The following SEMA3A variants were observed in gnomAD, a reference collection of about 807,000 sequenced individuals.
SEMA3A encodes semaphorin-3A.
In SEMA3A, 29 loss-of-function variants were observed where a neutral mutation model predicts 97.9. The observed-to-expected ratio is 0.30, with a 90% CI of 0.22 to 0.40. SEMA3A has a LOEUF of 0.40. Among genes scored for constraint, SEMA3A ranks in the 10% least tolerant of loss-of-function variants. The pLI is 1.00. For synonymous variants in SEMA3A, 321 were observed against 323.7 expected, an observed-to-expected ratio of 0.99 and a Z score of 0.09; for missense variants, 763 against 951.3, an observed-to-expected ratio of 0.80 and a Z score of 2.60.
intron 1 of SEMA3A, among the ~76,000 whole-genome samples, chr7:84,469,263 A>C (rs1337514734): frequency 6.6e-6 from 1 of 152,190 alleles, no homozygotes; most frequent in Non-Finnish European, 1.5e-5. Flanking sequence ...TATCCCATTC[A>C]ACTGTAACCC....
chr7:84,425,731 GGGAGTC>G (rs1804803700), intron 1 of SEMA3A, among the ~76,000 whole-genome samples: 1 of 149,000 alleles, frequency 6.7e-6, no homozygotes, highest in Non-Finnish European at 1.5e-5. Flanking sequence ...CCAGCACTTT[GGGAGTC>G]TGAGGTTCGC....
intron 12 of SEMA3A, among the ~76,000 whole-genome samples, chr7:83,987,778 T>C (rs984053229): frequency 1.3e-5 from 2 of 149,184 alleles, no homozygotes; most frequent in African/African-American, 4.8e-5. Context: ...GATAGCCCTC[T>C]TATTAAGTCT....
intron 4 of SEMA3A, among the ~76,000 whole-genome samples, chr7:84,106,009 A>G (rs770273115): frequency 6.6e-5 from 10 of 152,214 alleles, no homozygotes; most frequent in Non-Finnish European, 1.5e-4. Context: ...ACTGGAGTTA[A>G]TTAATAGGTC....
At chr7:84,307,670 A>C (rs893311303) in intron 2 of SEMA3A, among the ~76,000 whole-genome samples, 2 of 152,170 alleles carry the variant, frequency 1.3e-5, no homozygotes, top group African/African-American at 4.8e-5. Context: ...ATTTTTCACC[A>C]CTGGTGATGA....
chr7:84,039,972 ATTATATC>A (rs1389908867), intron 6 of SEMA3A, among the ~76,000 whole-genome samples: 1 of 152,048 alleles, frequency 6.6e-6, no homozygotes, highest in Non-Finnish European at 1.5e-5. Context: ...GCATCTGAGA[ATTATATC>A]TTATATAATA....
chr7:84,368,002 C>T (rs1196147040), intron 2 of SEMA3A, among the ~76,000 whole-genome samples: 1 of 151,024 alleles, frequency 6.6e-6, no homozygotes, highest in Non-Finnish European at 1.5e-5. Flanking sequence ...ATAGAAACAT[C>T]ACAAAAGTAG....
At chr7:84,396,882 A>C (rs894496190) in intron 1 of SEMA3A, among the ~76,000 whole-genome samples, 2 of 152,044 alleles carry the variant, frequency 1.3e-5, no homozygotes, top group African/African-American at 2.4e-5. Flanking sequence ...AATATGGATA[A>C]ATTCTTAGCA....
intron 6 of SEMA3A, among the ~76,000 whole-genome samples, chr7:84,026,201 G>A (rs996583566): frequency 6.6e-6 from 1 of 152,142 alleles, no homozygotes; most frequent in South Asian, 2.1e-4. Flanking sequence ...TCACTGTGGT[G>A]TGGAGTGCCC....
At chr7:83,995,636 A>G (rs909122323) in intron 12 of SEMA3A, among the ~76,000 whole-genome samples, 3 of 152,206 alleles carry the variant, frequency 2.0e-5, no homozygotes, top group Admixed American at 2.0e-4. Context: ...CTTCCATTTA[A>G]AACAGATATG....
intron 2 of SEMA3A, among the ~76,000 whole-genome samples, chr7:84,355,855 G>T (rs1389135773): frequency 6.6e-6 from 1 of 151,860 alleles, no homozygotes; most frequent in Non-Finnish European, 1.5e-5. Context: ...GCCTGAGAAT[G>T]TAATTTCTTA....
intron 1 of SEMA3A, among the ~76,000 whole-genome samples, chr7:84,474,958 A>G (rs1806243403): frequency 6.6e-6 from 1 of 152,176 alleles, no homozygotes; most frequent in Non-Finnish European, 1.5e-5. Flanking sequence ...AACTATTTAA[A>G]CGCCTAAGAA....
intron 4 of SEMA3A, among the ~76,000 whole-genome samples, chr7:84,081,867 T>A (rs1794175819): frequency 6.6e-6 from 1 of 152,218 alleles, no homozygotes; most frequent in East Asian, 1.9e-4. Context: ...CATGTTATAT[T>A]TATAATCTCT....
At position 84,005,359 on chromosome 7, in the gene SEMA3A, T is replaced by C. The variant is rs761486957; in HGVS notation, c.1340A>G (p.Asp447Gly). Residue 447 changes from aspartate to glycine, a missense_variant, in exon 11 of 17, where the codon GAT becomes GGT. Physicochemically the swap from Asp to Gly is moderately conservative, Grantham distance 94. Around this residue, in one of 2 missense-constraint regions of SEMA3A, gnomAD observed 678 missense variants for 881.3 expected, o/e 0.77. Transcript: ENST00000265362. ...TTTACCTGTTCCGATAAACATAACATCATACTGTCCATCTTCTGCATCCAC... is the reference window on the plus strand; with the variant it reads ...TTTACCTGTTCCGATAAACATAACACCATACTGTCCATCTTCTGCATCCAC... ...DRVDAEDGQYDVMFIGTDVGT... is the reference protein window; with the variant it reads ...DRVDAEDGQYGVMFIGTDVGT... 77 of 1,612,952 alleles carry C rather than the reference T, an allele frequency of 4.8e-5. No individual in the cohort carries two copies. Among genetic ancestry groups the C allele is most frequent in the Admixed American group, 6.7e-5 (4 of 59,984 alleles).
intron 4 of SEMA3A, among the ~76,000 whole-genome samples, chr7:84,078,302 C>A (rs948158664): frequency 6.6e-6 from 1 of 152,054 alleles, no homozygotes; most frequent in Non-Finnish European, 1.5e-5. Flanking sequence ...ATTTGAAGGC[C>A]TTTTCATGAA....
At chr7:84,016,552 G>T (rs1049344564) in intron 6 of SEMA3A, among the ~76,000 whole-genome samples, 1 of 143,330 alleles carries the variant, frequency 7.0e-6, no homozygotes, top group Non-Finnish European at 1.5e-5. Flanking sequence ...AAAAAAAAAA[G>T]AAAAAAAAAG....
At chr7:84,431,622 G>GT (rs35720658) in intron 1 of SEMA3A, among the ~76,000 whole-genome samples, 20,502 of 148,332 alleles carry the variant, frequency 0.14, 1,783 homozygotes, top group East Asian at 0.44. Context: ...AAAAATCAGA[G>GT]TTTTTTTTTT....
chr7:84,044,493 T>C (rs907661202), intron 6 of SEMA3A, among the ~76,000 whole-genome samples: 1 of 152,012 alleles, frequency 6.6e-6, no homozygotes, highest in Non-Finnish European at 1.5e-5. Context: ...TTATGCCAAA[T>C]TTAGAGAAAA....
intron 1 of SEMA3A, among the ~76,000 whole-genome samples, chr7:84,404,394 T>A (rs941921229): frequency 4.0e-5 from 6 of 151,736 alleles, no homozygotes; most frequent in African/African-American, 1.5e-4. Context: ...TGGGACTATG[T>A]GAAAAGACCA....
At chr7:84,395,107 C>A (rs1803688931) in intron 1 of SEMA3A, among the ~76,000 whole-genome samples, 1 of 151,940 alleles carries the variant, frequency 6.6e-6, no homozygotes, top group Non-Finnish European at 1.5e-5. Flanking sequence ...AAACCCACAG[C>A]AGAAGGAATG....
Sources: allele counts gnomAD v4.1 joint callset (sites outside exome capture counted in the v4.1 genomes callset), GRCh38; gene constraint gnomAD v4.1.1; regional missense constraint gnomAD v4.1.1; transcripts MANE v1.5; gene names NCBI Gene and HGNC (gene_info 2026-07-23, HGNC 2026-07-21).